The following VGLL3 variants were observed in gnomAD, a reference collection of about 807,000 sequenced individuals.
VGLL3 encodes the protein transcription cofactor vestigial-like protein 3.
In VGLL3, 18 loss-of-function variants were observed where a neutral mutation model predicts 29.2. The observed-to-expected ratio is 0.62, with a 90% confidence interval of 0.43 to 0.91. VGLL3 has a LOEUF of 0.91. Among genes scored for constraint, VGLL3 ranks in the 40% least tolerant of loss-of-function variants. The probability of loss-of-function intolerance (pLI) is 0.00; values close to 1 mark genes in which losing one functional copy is unlikely to be tolerated. For missense variants in VGLL3, 440 were observed against 413.2 expected (o/e 1.06, Z -0.56); for synonymous variants, 180 against 151.8 (o/e 1.19, Z -1.36).
Position 86,944,429 on chromosome 3 carries a change from T to G in VGLL3, c.*2595A>C, listed in dbSNP as rs1282697881. 1 of 152,366 alleles carries G rather than the reference T, an allele frequency of 6.6e-6. No individual in the cohort carries two copies. The highest frequency in any genetic ancestry group is 2.4e-5 in the African/African-American group (1 of 41,450). The allele number at this position is 152,366 out of a possible 1,614,324, so 9.4% of individuals were successfully genotyped here. A position where few individuals can be genotyped will look rare whatever the true frequency, so the allele number is the denominator to read the frequency against. The stretch of plus-strand genomic sequence containing the variant: ...CCCAGGTAATTTTTCAGAAATTTTT[T>G]GTAGGGATAGGGTCTCCCTATGTTG... On this transcript the variant is annotated 3_prime_UTR_variant, in exon 4 of 4. Coordinates refer to ENST00000398399, the MANE Select transcript of VGLL3 (RefSeq NM_016206.4).
chr3:86,981,769 AT>A (rs1000516114), intron 1 of VGLL3, among the ~76,000 whole-genome samples: 1 of 151,928 alleles, frequency 6.6e-6, no homozygotes, highest in African/African-American at 2.4e-5. Flanking sequence ...GCCACTTGCA[AT>A]TTTTTTTCAG....
chr3:86,975,710 C>T (rs769870497), intron 2 of VGLL3, among the ~76,000 whole-genome samples: 9 of 152,042 alleles, frequency 5.9e-5, no homozygotes, highest in African/African-American at 9.7e-5. Context: ...AATGAGGCAC[C>T]ATAAGAAGAT....
At chr3:86,960,932 G>GATATATATATAT (rs57744873) in intron 3 of VGLL3, among the ~76,000 whole-genome samples, 5 of 137,932 alleles carry the variant, frequency 3.6e-5, no homozygotes, top group Non-Finnish European at 3.1e-5. Flanking sequence ...AAGTAATTGT[G>GATATATATATAT]ATATATATAT....
chr3:86,967,447 T>C (rs1315028942), intron 3 of VGLL3, among the ~76,000 whole-genome samples: 1 of 152,124 alleles, frequency 6.6e-6, no homozygotes, highest in East Asian at 1.9e-4. Context: ...CTGAAATGTG[T>C]TAGATGGGGC....
intron 1 of VGLL3, among the ~76,000 whole-genome samples, chr3:86,980,845 G>GAA (rs79689152): frequency 6.9e-6 from 1 of 145,544 alleles, no homozygotes; most frequent in African/African-American, 2.5e-5. Flanking sequence ...GTTTTTCTAT[G>GAA]AAAAAAAAAA....
chr3:86,955,318 T>TATG (rs1704696387), intron 3 of VGLL3, among the ~76,000 whole-genome samples: 1 of 152,132 alleles, frequency 6.6e-6, no homozygotes, highest in African/African-American at 2.4e-5. Context: ...TAGAATGAGA[T>TATG]ATGTTGCATA....
intron 1 of VGLL3, among the ~76,000 whole-genome samples, chr3:86,980,657 C>T (rs1225600657): frequency 1.3e-5 from 2 of 151,976 alleles, no homozygotes; most frequent in Non-Finnish European, 2.9e-5. Context: ...AACTAAATAA[C>T]CTCTAAAACT....
chr3:86,950,592 T>G (rs527487679), intron 3 of VGLL3, among the ~76,000 whole-genome samples: 1 of 152,300 alleles, frequency 6.6e-6, no homozygotes, highest in African/African-American at 2.4e-5. Context: ...TTTGCACTGC[T>G]TAGAAACACC....
chr3:86,968,461 G>T (rs1263161783), intron 3 of VGLL3, 129 bp downstream of exon 3: 5 of 1,057,396 alleles, frequency 4.7e-6, no homozygotes, highest in South Asian at 3.4e-5. Flanking sequence ...TTGCAAAATG[G>T]CTAGGTTCCA....
At chr3:86,961,472 A>T (rs993958267) in intron 3 of VGLL3, among the ~76,000 whole-genome samples, 2 of 152,178 alleles carry the variant, frequency 1.3e-5, no homozygotes, top group East Asian at 3.8e-4. Flanking sequence ...CCACTAAAAG[A>T]GGACTACTAT....
At chr3:86,981,678 AT>A (rs201507942) in intron 1 of VGLL3, among the ~76,000 whole-genome samples, 1,777 of 152,116 alleles carry the variant, frequency 0.012, 14 homozygotes, top group Non-Finnish European at 0.019. Flanking sequence ...AATTAAATAA[AT>A]TTGCTAGAAA....
chr3:86,978,452 C>G (rs1157380870), intron 2 of VGLL3, 74 bp downstream of exon 2: 1 of 1,524,988 alleles, frequency 6.6e-7, no homozygotes, highest in East Asian at 2.3e-5. Flanking sequence ...GGGCAAGTCT[C>G]CAGCTGGAAC....
rs541350182 is a variant in VGLL3, at chr3:86,974,013, A to G, written c.403+4513T>C. On this transcript the variant is annotated intron_variant, in intron 2 of 3. Transcript: ENST00000398399. ...CCAATGTTTAGCGCTGTGCTAAATT[A>G]ATCATATAGATTATTTTTAAAATCT... is the stretch of plus-strand genomic sequence containing the variant. Among the ~76,000 whole-genome samples the G allele has an allele frequency of 2.6e-5, 4 of 152,190 alleles. No homozygotes were observed. In the South Asian group the frequency reaches 8.3e-4, roughly 32 times the overall value.
Position 86,968,911 on chromosome 3 carries a change from A to G in VGLL3, c.616T>C (p.Ser206Pro), listed in dbSNP as rs1705023661. 1 of 1,614,088 alleles carries G rather than the reference A, an allele frequency of 6.2e-7. No individual in the cohort carries two copies. The highest frequency in any genetic ancestry group is 8.5e-7 in the Non-Finnish European group (1 of 1,180,020). The change falls in exon 3 of 4, where the codon TCC becomes CCC. Residue 206 changes from serine to proline, a missense_variant. Transcript: ENST00000398399. ...TGAGATGTCAAAGGATAAGGCCAGG[A>G]CTCAGACACAGCAGGGGGAGGGGCT... ...GPAPPPAVSE[S>P]WPYPLTSQVS...
intron 3 of VGLL3, 52 bp from the exon 4 acceptor site, chr3:86,947,119 C>G: frequency 1.3e-6 from 1 of 777,178 alleles, no homozygotes; most frequent in South Asian, 1.4e-5. Context: ...ACATATGGTA[C>G]CAAAAATAAG....
At chr3:86,973,329 T>A (rs796721658) in intron 2 of VGLL3, among the ~76,000 whole-genome samples, 40 of 152,314 alleles carry the variant, frequency 2.6e-4, no homozygotes, top group African/African-American at 8.4e-4. Flanking sequence ...CATTTTTACA[T>A]TTTTTATTAA....
At chr3:86,977,701 G>A (rs1443152203) in intron 2 of VGLL3, among the ~76,000 whole-genome samples, 1 of 152,160 alleles carries the variant, frequency 6.6e-6, no homozygotes, top group Non-Finnish European at 1.5e-5. Context: ...CTCCCATGTG[G>A]CACTGATGTT....
intron 1 of VGLL3, 41 bp downstream of exon 1, chr3:86,990,576 CT>C: frequency 7.6e-7 from 1 of 1,315,350 alleles, no homozygotes; most frequent in South Asian, 3.0e-5. Context: ...TCTCGATGCC[CT>C]TCGCCCCCGC....
intron 2 of VGLL3, among the ~76,000 whole-genome samples, chr3:86,972,892 G>C (rs531916297): frequency 6.7e-6 from 1 of 150,270 alleles, no homozygotes; most frequent in African/African-American, 2.5e-5. Context: ...ATACACACGA[G>C]TTTATTTCTA....
Sources: gnomAD v4.1 joint callset for allele counts (sites outside exome capture counted in the v4.1 genomes callset) on GRCh38, gnomAD v4.1.1 for gene constraint, MANE v1.5 for transcripts, NCBI Gene and HGNC (gene_info 2026-07-23, HGNC 2026-07-21) for gene names.